CSF1R: variants seen among roughly 807,000 people sequenced by gnomAD.
CSF1R encodes the protein macrophage colony-stimulating factor 1 receptor.
A neutral mutation model predicts 110.0 loss-of-function variants in CSF1R; 40 were observed. The ratio of observed to expected loss-of-function variants is 0.36; its 90% confidence interval spans 0.28 to 0.47. The LOEUF is 0.47. Ranked by LOEUF, CSF1R falls within the 20% of genes least tolerant of loss-of-function variation. The pLI, the probability that CSF1R is intolerant of heterozygous loss-of-function variation, is 0.99. For synonymous variants in CSF1R, 523 were observed against 503.4 expected (o/e 1.04, Z -0.52); for missense variants, 1,052 against 1,253.0 (o/e 0.84, Z 2.42).
At chr5:150,084,252 C>A (rs1758696909) in intron 1 of CSF1R, among the ~76,000 whole-genome samples, 1 of 151,474 alleles carries the variant, frequency 6.6e-6, no homozygotes, top group South Asian at 2.1e-4. Context: ...ATTGCTTGAA[C>A]CCCGGAGGCG....
chr5:150,084,394 G>C lies in CSF1R; in HGVS notation c.49+1985C>G, dbSNP rs10038004. ...AAGAAAGAAAGAAAGAAAGAAAGAA[G>C]GAAGGAAGGAAGGAAGGAAGGAAGG... On this transcript the variant is annotated intron_variant, in intron 1 of 20. Coordinates refer to ENST00000675795, the MANE Select transcript of CSF1R (RefSeq NM_001288705.3). 7.8e-4 allele frequency among the ~76,000 whole-genome samples: 18 copies of C among 22,976 alleles called. 2 individuals carry two copies. The highest frequency in any genetic ancestry group is 1.2e-3 in the Non-Finnish European group (15 of 12,332). 15.1% of individuals were successfully genotyped at this position (22,976 alleles called of 152,430 possible).
intron 1 of CSF1R, among the ~76,000 whole-genome samples, chr5:150,103,217 G>A (rs1172961856): frequency 6.6e-6 from 1 of 152,216 alleles, no homozygotes; most frequent in Admixed American, 6.5e-5. Context: ...GGATTGTCTG[G>A]CCAATACCAT....
At chr5:150,060,726 A>C (rs1757469617) in intron 13 of CSF1R, 136 bp downstream of exon 13, 2 of 602,370 alleles carry the variant, frequency 3.3e-6, no homozygotes, top group East Asian at 2.8e-5. Context: ...AGTTTAAGGG[A>C]TGCTGTGACC....
At chr5:150,085,277 G>GGAAAAAAAA (rs1758786208) in intron 1 of CSF1R, among the ~76,000 whole-genome samples, 1 of 92,470 alleles carries the variant, frequency 1.1e-5, no homozygotes, top group African/African-American at 5.6e-5. Flanking sequence ...TCTGTCTCAG[G>GGAAAAAAAA]AAAAAAAAAA....
intron 1 of CSF1R, among the ~76,000 whole-genome samples, chr5:150,112,830 G>T (rs1759766596): frequency 6.6e-6 from 1 of 152,214 alleles, no homozygotes; most frequent in Non-Finnish European, 1.5e-5. Context: ...CCCACTTGAA[G>T]CCACAGCCCC....
intron 1 of CSF1R, among the ~76,000 whole-genome samples, chr5:150,096,560 G>A (rs998659195): frequency 3.3e-5 from 5 of 152,112 alleles, no homozygotes; most frequent in African/African-American, 1.2e-4. Context: ...TATCCCTTAT[G>A]AAAATAGATG....
chr5:150,065,971 C>T (rs928645575), intron 10 of CSF1R, among the ~76,000 whole-genome samples: 3 of 152,240 alleles, frequency 2.0e-5, no homozygotes, highest in African/African-American at 4.8e-5. Flanking sequence ...CACTGCGAGG[C>T]AGTTTTCAGT....
At chr5:150,108,344 C>T (rs1429512329) in intron 1 of CSF1R, among the ~76,000 whole-genome samples, 6 of 151,958 alleles carry the variant, frequency 3.9e-5, no homozygotes, top group African/African-American at 7.3e-5. Flanking sequence ...TAGGTGGTGA[C>T]GGTAGCACCA....
chr5:150,096,936 T>C (rs192550903), intron 1 of CSF1R, among the ~76,000 whole-genome samples: 7 of 152,254 alleles, frequency 4.6e-5, no homozygotes, highest in Admixed American at 3.3e-4. Flanking sequence ...TATTCAACAG[T>C]GTACTGGAGA....
chr5:150,056,006 G>A lies in CSF1R; in HGVS notation c.2554+20C>T, dbSNP rs1009113885. 1 of 1,608,638 alleles carries A rather than the reference G, an allele frequency of 6.2e-7. No individual in the cohort carries two copies. The highest frequency in any genetic ancestry group is 8.5e-7 in the Non-Finnish European group (1 of 1,175,384). On this transcript the variant is annotated intron_variant, in intron 18 of 20. Coordinates refer to ENST00000675795, the MANE Select transcript of CSF1R (RefSeq NM_001288705.3). ...AGGAGCCAGCCCCAGGCTCTGCCTG[G>A]AGTGGGCCCAGTGGCTCACCAAGTG...
At chr5:150,056,463 G>A (rs1757223221) in intron 16 of CSF1R, 122 bp from the exon 17 acceptor site, 1 of 1,259,970 alleles carries the variant, frequency 7.9e-7, no homozygotes, top group East Asian at 2.5e-5. Context: ...AACAGTTTTG[G>A]TCCTTTACCA....
chr5:150,093,139 C>T (rs1209615377), intron 1 of CSF1R, among the ~76,000 whole-genome samples: 4 of 152,112 alleles, frequency 2.6e-5, no homozygotes, highest in South Asian at 2.1e-4. Context: ...AGGGCAGTGG[C>T]GTGATCTTGG....
In CSF1R at chr5:150,077,336, A is replaced by G. The variant is rs2113824277; in HGVS notation, c.829T>C (p.Ser277Pro). The stretch of plus-strand genomic sequence containing the variant: ...CCCTGCACGTTGCTGGCCACGCAGG[A>G]GTAGTTGCCGGCATGTTGGAAATCT... ...QVDFQHAGNY[S>P]CVASNVQGKH... The change falls in exon 5 of 21, where the codon TCC (serine) becomes CCC (proline). Residue 277 changes from serine to proline, a missense_variant. Physicochemically the swap from Ser to Pro is moderately conservative, Grantham distance 74. Around this residue, in one of 5 missense-constraint regions of CSF1R, gnomAD observed 693 missense variants for 735.4 expected, o/e 0.94. Transcript: ENST00000675795. 6.2e-7 allele frequency: 1 copy of G among 1,614,180 alleles called. No individual in the cohort carries two copies. The highest frequency in any genetic ancestry group is 8.5e-7 in the Non-Finnish European group (1 of 1,180,042).
intron 1 of CSF1R, among the ~76,000 whole-genome samples, chr5:150,112,410 A>G (rs1360124511): frequency 6.6e-6 from 1 of 152,162 alleles, no homozygotes; most frequent in Non-Finnish European, 1.5e-5. Flanking sequence ...ATTTTTATCA[A>G]CCTTTGTCTT....
At chr5:150,097,518 T>C (rs1353920969) in intron 1 of CSF1R, among the ~76,000 whole-genome samples, 1 of 152,132 alleles carries the variant, frequency 6.6e-6, no homozygotes, top group Admixed American at 6.5e-5. Context: ...GAAATGATTG[T>C]CTTCATAGAA....
intron 1 of CSF1R, among the ~76,000 whole-genome samples, chr5:150,105,449 C>T (rs555995740): frequency 1.3e-5 from 2 of 148,650 alleles, no homozygotes; most frequent in Non-Finnish European, 3.0e-5. Flanking sequence ...CTCCTGACCT[C>T]AAGTGATCTG....
intron 1 of CSF1R, among the ~76,000 whole-genome samples, chr5:150,093,642 A>G (rs1431282651): frequency 1.3e-5 from 2 of 152,252 alleles, no homozygotes; most frequent in African/African-American, 4.8e-5. Context: ...GGTAGAAGAG[A>G]GGATTTTGAA....
At chr5:150,071,630 C>T (rs1758035858) in intron 6 of CSF1R, among the ~76,000 whole-genome samples, 1 of 152,194 alleles carries the variant, frequency 6.6e-6, no homozygotes, top group Non-Finnish European at 1.5e-5. Flanking sequence ...AACTAAAATT[C>T]TGTGGCTGTT....
intron 1 of CSF1R, among the ~76,000 whole-genome samples, chr5:150,112,401 T>A (rs1020579606): frequency 2.4e-4 from 37 of 152,218 alleles, no homozygotes; most frequent in African/African-American, 8.9e-4. Flanking sequence ...GGTAGTCAGA[T>A]TTTTATCAAC....
Sources: gnomAD v4.1 joint callset for allele counts (sites outside exome capture counted in the v4.1 genomes callset) on GRCh38, gnomAD v4.1.1 for gene constraint, gnomAD v4.1.1 regional missense constraint, MANE v1.5 for transcripts, NCBI Gene and HGNC (gene_info 2026-07-23, HGNC 2026-07-21) for gene names.